Variants in VEZT observed in about 807,000 individuals in gnomAD.
The protein encoded by VEZT is vezatin, adherens junctions transmembrane protein, also known as vezatin.
In VEZT, 39 loss-of-function variants were observed where a neutral mutation model predicts 79.9. The ratio of observed to expected loss-of-function variants is 0.49; its 90% CI spans 0.38 to 0.64. The LOEUF (loss-of-function observed/expected upper bound fraction) is 0.64, where lower values mean the gene tolerates loss of function less well. Ranked by LOEUF, VEZT falls within the 30% of genes least tolerant of loss-of-function variation. The pLI, the probability that VEZT is intolerant of heterozygous loss-of-function variation, is 0.00. For missense variants in VEZT, 837 were observed against 893.1 expected, an observed-to-expected ratio of 0.94 and a Z score of 0.80; for synonymous variants, 325 against 327.6, an observed-to-expected ratio of 0.99 and a Z score of 0.09.
rs1054049231 is a variant in VEZT at position 95,263,043 on chromosome 12, C to G, written c.396C>G (p.His132Gln). ...AGQSQQQENG[H>Q]LPTLCSLATP... ...AATCTCAACAACAGGAAAATGGACA[C>G]CTTCCAACACTTTGCTCCCTGGCAA... Residue 132 changes from histidine to glutamine, a missense_variant, in exon 4 of 12, where the codon CAC (histidine) becomes CAG (glutamine). Coordinates refer to ENST00000436874, the MANE Select transcript of VEZT (RefSeq NM_017599.4). The G allele has an allele frequency of 6.2e-7, 1 of 1,611,778 alleles. No homozygotes were observed.
At chr12:95,230,423 C>CT (rs35895570) in intron 1 of VEZT, among the ~76,000 whole-genome samples, 15,916 of 138,768 alleles carry the variant, frequency 0.11, 1,094 homozygotes, top group African/African-American at 0.19. Context: ...CTTTTTCTTT[C>CT]TTTTTTTTTT....
intron 8 of VEZT, among the ~76,000 whole-genome samples, chr12:95,285,851 C>CA (rs1158345755): frequency 1.3e-5 from 2 of 151,698 alleles, no homozygotes; most frequent in East Asian, 3.9e-4. Context: ...GCTATTGATG[C>CA]AAAAAAGAAA....
At chr12:95,236,159 G>T (rs1343270117) in intron 1 of VEZT, among the ~76,000 whole-genome samples, 1 of 152,214 alleles carries the variant, frequency 6.6e-6, no homozygotes, top group African/African-American at 2.4e-5. Flanking sequence ...ACGAGACTCC[G>T]TCTGCAATCA....
rs139361500 is a variant in VEZT at position 95,268,098 on chromosome 12, G to T, written c.710+1466G>T. ...TTCTTAGCATCTGTTGATTTTTGTC[G>T]TTGCATTAGTTGAAGTCTACTTCTT... On this transcript the variant is annotated intron_variant, in intron 5 of 11. Transcript: ENST00000436874. Among the ~76,000 whole-genome samples, 898 of 152,142 alleles carry T rather than the reference G, an allele frequency of 5.9e-3. 12 individuals are homozygous for T. Among genetic ancestry groups the T allele is most frequent in the African/African-American group, 0.02 (850 of 41,504 alleles).
At chr12:95,229,735 A>T (rs921979512) in intron 1 of VEZT, among the ~76,000 whole-genome samples, 7 of 152,138 alleles carry the variant, frequency 4.6e-5, no homozygotes, top group Admixed American at 1.3e-4. Context: ...ATCATGCCTT[A>T]AGGATTTAGG....
intron 1 of VEZT, among the ~76,000 whole-genome samples, chr12:95,247,517 AT>A (rs574331052): frequency 1.4e-4 from 21 of 152,266 alleles, no homozygotes; most frequent in Admixed American, 9.2e-4. Flanking sequence ...GTTGTTTAAC[AT>A]TGTAACAGGT....
At chr12:95,239,963 AGAGAGAGAGAGAGAGAGAG>A (rs1461438285) in intron 1 of VEZT, among the ~76,000 whole-genome samples, 1 of 141,050 alleles carries the variant, frequency 7.1e-6, no homozygotes, top group East Asian at 2.0e-4. Flanking sequence ...AGAGAGAGAG[AGAGAGAGAGAGAGAGAGAG>A]GAGAGAGAGA....
chr12:95,254,577 C>T (rs1459480556), intron 2 of VEZT, among the ~76,000 whole-genome samples: 2 of 152,048 alleles, frequency 1.3e-5, no homozygotes, highest in Non-Finnish European at 2.9e-5. Flanking sequence ...AAACTCCTGA[C>T]CTCAAGTGAT....
At chr12:95,254,408 G>A (rs1427506696) in intron 2 of VEZT, among the ~76,000 whole-genome samples, 2 of 134,342 alleles carry the variant, frequency 1.5e-5, no homozygotes, top group Admixed American at 1.7e-4. Flanking sequence ...GGGCAGTGAC[G>A]CAATATTGGT....
At chr12:95,284,707 A>G (rs970795129) in intron 8 of VEZT, among the ~76,000 whole-genome samples, 3 of 152,164 alleles carry the variant, frequency 2.0e-5, no homozygotes, top group Non-Finnish European at 4.4e-5. Flanking sequence ...AGCTTTTGCC[A>G]TTAAAAGTAA....
intron 2 of VEZT, among the ~76,000 whole-genome samples, chr12:95,253,742 G>C (rs2062996979): frequency 6.6e-6 from 1 of 152,134 alleles, no homozygotes; most frequent in African/African-American, 2.4e-5. Context: ...AGTCAAGTGA[G>C]AGTTTAAAAT....
intron 7 of VEZT, among the ~76,000 whole-genome samples, chr12:95,280,665 T>G (rs973063611): frequency 6.6e-6 from 1 of 152,188 alleles, no homozygotes; most frequent in Non-Finnish European, 1.5e-5. Context: ...ACTTGTAAAT[T>G]ATTATCTGTG....
intron 2 of VEZT, among the ~76,000 whole-genome samples, chr12:95,255,925 G>GTACCT (rs2063398702): frequency 6.6e-6 from 1 of 152,112 alleles, no homozygotes. Context: ...CTATCTCAGT[G>GTACCT]TACCTTTTTA....
chr12:95,294,609 C>T (rs762767183), intron 10 of VEZT, among the ~76,000 whole-genome samples: 1 of 152,118 alleles, frequency 6.6e-6, no homozygotes, highest in Non-Finnish European at 1.5e-5. Flanking sequence ...GGCAAAGCTA[C>T]CTTTTGGGAT....
intron 1 of VEZT, among the ~76,000 whole-genome samples, chr12:95,247,268 G>A (rs924019315): frequency 6.6e-6 from 1 of 152,154 alleles, no homozygotes; most frequent in African/African-American, 2.4e-5. Flanking sequence ...ATACTACAAT[G>A]ATCAGAAAAG....
intron 1 of VEZT, among the ~76,000 whole-genome samples, chr12:95,240,029 G>A (rs753643581): frequency 1.4e-4 from 7 of 48,900 alleles, no homozygotes; most frequent in African/African-American, 4.1e-4. Flanking sequence ...AGAAAGGAAG[G>A]AAGGAAGGAA....
chr12:95,266,271 T>A, intron 4 of VEZT, 86 bp from the exon 5 acceptor site: 1 of 1,407,490 alleles, frequency 7.1e-7, no homozygotes, highest in Non-Finnish European at 9.6e-7. Context: ...TAAACCTAAA[T>A]TTAAATTTTG....
chr12:95,235,279 G>GC (rs1339873058), intron 1 of VEZT, among the ~76,000 whole-genome samples: 1 of 57,154 alleles, frequency 1.7e-5, no homozygotes, highest in Non-Finnish European at 3.2e-5. Context: ...GGCTGGCCGG[G>GC]CGGGGGCTGA....
intron 3 of VEZT, among the ~76,000 whole-genome samples, chr12:95,258,946 A>G (rs1330104316): frequency 6.6e-6 from 1 of 152,190 alleles, no homozygotes; most frequent in Non-Finnish European, 1.5e-5. Flanking sequence ...TCCATGCAGA[A>G]AGGAATTCCT....
Sources: allele counts gnomAD v4.1 joint callset (sites outside exome capture counted in the v4.1 genomes callset), GRCh38; gene constraint gnomAD v4.1.1; transcripts MANE v1.5; gene names NCBI Gene and HGNC (gene_info 2026-07-23, HGNC 2026-07-21).